Variants in SHROOM4 observed in about 807,000 individuals in gnomAD.
SHROOM4 encodes shroom family member 4, also known as protein Shroom4.
In SHROOM4, 17 loss-of-function variants were observed where a neutral mutation model predicts 80.3. The observed-to-expected ratio is 0.21, with a 90% CI of 0.14 to 0.32. The LOEUF is 0.32. Among genes scored for constraint, SHROOM4 ranks in the 10% least tolerant of loss-of-function variants. SHROOM4 has a pLI of 1.00. For synonymous variants in SHROOM4, 400 were observed against 437.5 expected (o/e 0.91, Z 1.07); for missense variants, 993 against 1,140.3 (o/e 0.87, Z 1.86).
chrX:50,682,278 T>C (rs1247609256), intron 2 of SHROOM4, among the ~76,000 whole-genome samples: 1 of 112,075 alleles, frequency 8.9e-6, no homozygotes, highest in East Asian at 2.8e-4. Flanking sequence ...TCTTTGACTC[T>C]ATCTCTTTCC....
chrX:50,671,167 A>G (rs782040144), intron 2 of SHROOM4, among the ~76,000 whole-genome samples: 12 of 111,940 alleles, frequency 1.1e-4, no homozygotes, highest in Non-Finnish European at 2.1e-4. Context: ...CCTGCTGTAA[A>G]CAGATGTGCT....
intron 1 of SHROOM4, among the ~76,000 whole-genome samples, chrX:50,786,431 G>A (rs782711064): frequency 1.8e-5 from 2 of 111,896 alleles, no homozygotes; most frequent in South Asian, 3.8e-4. Flanking sequence ...GTTGGACCAC[G>A]TGTCCCGTGC....
At chrX:50,762,379 A>AT (rs1211192708) in intron 1 of SHROOM4, among the ~76,000 whole-genome samples, 2 of 111,507 alleles carry the variant, frequency 1.8e-5, no homozygotes, top group Non-Finnish European at 3.8e-5. Context: ...CAATTCAATT[A>AT]TACTGCTATT....
At chrX:50,727,671 G>T (rs368692387) in intron 1 of SHROOM4, among the ~76,000 whole-genome samples, 87 of 112,263 alleles carry the variant, frequency 7.7e-4, no homozygotes, top group African/African-American at 2.8e-3. Flanking sequence ...CTAGATGATT[G>T]TAAGTTTCCT....
At chrX:50,747,028 A>G (rs782782337) in intron 1 of SHROOM4, among the ~76,000 whole-genome samples, 1 of 111,855 alleles carries the variant, frequency 8.9e-6, no homozygotes, top group Non-Finnish European at 1.9e-5. Context: ...AGTTGGTACA[A>G]TTTTTTCCCA....
At chrX:50,812,889 G>A in intron 1 of SHROOM4, among the ~76,000 whole-genome samples, 1 of 112,264 alleles carries the variant, frequency 8.9e-6, no homozygotes, top group Non-Finnish European at 1.9e-5. Flanking sequence ...GAGGATTTAA[G>A]AGAAACAACA....
chrX:50,736,306 A>G (rs1449184251), intron 1 of SHROOM4, among the ~76,000 whole-genome samples: 1 of 111,083 alleles, frequency 9.0e-6, no homozygotes, highest in Non-Finnish European at 1.9e-5. Flanking sequence ...GGTTTCTTAC[A>G]TAGGTAAACG....
downstream of SHROOM4, among the ~76,000 whole-genome samples, chrX:50,586,310 G>C (rs1473267627): frequency 1.8e-5 from 2 of 111,718 alleles, no homozygotes; most frequent in Middle Eastern, 4.2e-3. Context: ...TTTCAAGCTG[G>C]AAAGATTTTT....
At chrX:50,718,514 G>A (rs1431653483) in intron 1 of SHROOM4, among the ~76,000 whole-genome samples, 1 of 29,666 alleles carries the variant, frequency 3.4e-5, no homozygotes, top group African/African-American at 5.0e-5. Flanking sequence ...GCCTCTCAAA[G>A]GATCCCATAA....
chrX:50,705,521 G>C (rs1933646340), intron 1 of SHROOM4, among the ~76,000 whole-genome samples: 1 of 111,152 alleles, frequency 9.0e-6, no homozygotes, highest in Non-Finnish European at 1.9e-5. Context: ...TTCAGTTCCT[G>C]CTCATTCTCA....
intron 1 of SHROOM4, among the ~76,000 whole-genome samples, chrX:50,805,761 C>G (rs781900305): frequency 7.2e-5 from 8 of 111,600 alleles, no homozygotes; most frequent in Non-Finnish European, 1.5e-4. Flanking sequence ...AAGTAGCATG[C>G]CATGATTATT....
At chrX:50,706,974 T>A (rs1011004005) in intron 1 of SHROOM4, among the ~76,000 whole-genome samples, 10 of 111,809 alleles carry the variant, frequency 8.9e-5, no homozygotes, top group African/African-American at 2.9e-4. Flanking sequence ...AAACAGACCA[T>A]GAACAGTGGG....
In SHROOM4 at chrX:50,607,562, A is replaced by G. The variant is rs782733450; in HGVS notation, c.3580T>C (p.Ser1194Pro). 10 of 1,211,281 alleles carry G rather than the reference A, an allele frequency of 8.3e-6. No individual in the cohort carries two copies. In the South Asian group the frequency reaches 1.4e-4, roughly 17 times the overall value. ...GGGACACTTTGTGAACCCTGTCTCG[A>G]GCCCTCCAGGTGGCCAAAGCTGAGG... is the stretch of plus-strand genomic sequence containing the variant. ...QPLSFGHLEG[S>P]RQGSQSVPAE... Residue 1194 changes from serine (S) to proline (P), a missense_variant, in exon 6 of 9, where the codon TCG becomes CCG. Coordinates refer to ENST00000376020, the MANE Select transcript of SHROOM4 (RefSeq NM_020717.5).
chrX:50,749,161 G>A (rs1468959521), intron 1 of SHROOM4, among the ~76,000 whole-genome samples: 6 of 112,217 alleles, frequency 5.3e-5, no homozygotes, highest in South Asian at 3.7e-4. Context: ...GCAGTGAGCC[G>A]TGATCACACC....
chrX:50,744,167 T>G (rs1266395056), intron 1 of SHROOM4, among the ~76,000 whole-genome samples: 2 of 111,854 alleles, frequency 1.8e-5, no homozygotes, highest in Non-Finnish European at 3.8e-5. Flanking sequence ...ATTTGGGGAT[T>G]TTAAGCCATA....
At chrX:50,811,831 C>T (rs1276190396) in intron 1 of SHROOM4, among the ~76,000 whole-genome samples, 2 of 110,934 alleles carry the variant, frequency 1.8e-5, no homozygotes, top group Admixed American at 1.9e-4. Flanking sequence ...AATGAGCCTT[C>T]ATATAATAGG....
intron 1 of SHROOM4, among the ~76,000 whole-genome samples, chrX:50,700,436 C>T (rs1557263455): frequency 8.9e-6 from 1 of 112,105 alleles, no homozygotes; most frequent in African/African-American, 3.2e-5. Context: ...GGAAGTTTAA[C>T]TATTAAGAAG....
At chrX:50,749,764 G>C (rs782107545) in intron 1 of SHROOM4, among the ~76,000 whole-genome samples, 1 of 111,879 alleles carries the variant, frequency 8.9e-6, no homozygotes, top group Non-Finnish European at 1.9e-5. Flanking sequence ...TAAGATGTAT[G>C]AGAAAGTGGT....
At chrX:50,618,516 C>T (rs1462960522) in intron 5 of SHROOM4, among the ~76,000 whole-genome samples, 1 of 108,917 alleles carries the variant, frequency 9.2e-6, no homozygotes, top group Non-Finnish European at 1.9e-5. Context: ...AAGTGATTCT[C>T]ATGCCTCAGC....
Sources: allele counts gnomAD v4.1 joint callset (sites outside exome capture counted in the v4.1 genomes callset), GRCh38; gene constraint gnomAD v4.1.1; transcripts MANE v1.5; gene names NCBI Gene and HGNC (gene_info 2026-07-23, HGNC 2026-07-21).